EPHA6: variants seen among roughly 807,000 people sequenced by gnomAD.
EPHA6 encodes the protein ephrin type-A receptor 6.
In EPHA6, 50 loss-of-function variants were observed where a neutral mutation model predicts 112.0. The ratio of observed to expected loss-of-function variants is 0.45; its 90% confidence interval spans 0.36 to 0.56. EPHA6 has a LOEUF of 0.56. Ranked by LOEUF, EPHA6 falls within the 20% of genes least tolerant of loss-of-function variation. EPHA6 has a pLI of 0.00. For missense variants in EPHA6, 1,280 were observed against 1,417.4 expected (o/e 0.90, Z 1.56); for synonymous variants, 529 against 490.7 (o/e 1.08, Z -1.03).
At chr3:97,287,389 T>C (rs572463047) in intron 5 of EPHA6, among the ~76,000 whole-genome samples, 14 of 151,666 alleles carry the variant, frequency 9.2e-5, no homozygotes, top group African/African-American at 3.4e-4. Flanking sequence ...GGCGTGAACC[T>C]GGGAGGCGGA....
At chr3:97,465,079 T>C (rs2091010705) in intron 7 of EPHA6, among the ~76,000 whole-genome samples, 1 of 152,136 alleles carries the variant, frequency 6.6e-6, no homozygotes, top group Non-Finnish European at 1.5e-5. Flanking sequence ...GTGAAGATAC[T>C]AGTTAAAAAT....
At chr3:97,693,812 T>C (rs1042198535) in intron 14 of EPHA6, among the ~76,000 whole-genome samples, 5 of 151,672 alleles carry the variant, frequency 3.3e-5, no homozygotes, top group Non-Finnish European at 7.4e-5. Context: ...TGTCTCAAAA[T>C]AAAAAATAAA....
chr3:97,757,428 T>C lies in EPHA6; in HGVS notation c.*8727T>C, dbSNP rs565812144. On this transcript the variant is annotated 3_prime_UTR_variant, in exon 18 of 18. Coordinates refer to ENST00000389672, the MANE Select transcript of EPHA6 (RefSeq NM_001080448.3). Reference sequence around the variant, plus strand: ...GAACAAGTCATCAAAATTCTTAACATTTCCATATTATTAATCCTTTGTTTT... The same window carrying C: ...GAACAAGTCATCAAAATTCTTAACACTTCCATATTATTAATCCTTTGTTTT... Among the ~76,000 whole-genome samples the C allele has an allele frequency of 2.4e-4, 37 of 151,850 alleles. No homozygotes were observed. Among genetic ancestry groups the C allele is most frequent in the African/African-American group, 8.2e-4 (34 of 41,538 alleles).
intron 5 of EPHA6, among the ~76,000 whole-genome samples, chr3:97,313,993 T>A (rs1358973902): frequency 6.6e-6 from 1 of 151,712 alleles, no homozygotes. Context: ...TATGTTTTCT[T>A]CTAATACCAT....
At chr3:97,658,532 G>A (rs999871483) in intron 14 of EPHA6, among the ~76,000 whole-genome samples, 6 of 151,836 alleles carry the variant, frequency 4.0e-5, no homozygotes, top group Non-Finnish European at 7.4e-5. Flanking sequence ...TATTATTTCA[G>A]ATTATGCCAT....
chr3:97,625,500 T>G (rs937828825), intron 13 of EPHA6, among the ~76,000 whole-genome samples: 4 of 151,716 alleles, frequency 2.6e-5, no homozygotes, highest in Non-Finnish European at 5.9e-5. Context: ...GAAATTTTGT[T>G]CTATTTTTCT....
chr3:97,586,956 G>C (rs1458779134), intron 11 of EPHA6, among the ~76,000 whole-genome samples: 2 of 152,178 alleles, frequency 1.3e-5, no homozygotes, highest in Non-Finnish European at 2.9e-5. Context: ...CAAGTATAAA[G>C]AAAGGGCAGG....
intron 2 of EPHA6, among the ~76,000 whole-genome samples, chr3:96,937,427 A>G (rs1229304050): frequency 2.7e-5 from 4 of 149,502 alleles, no homozygotes; most frequent in African/African-American, 7.6e-5. Flanking sequence ...GTCTGTTCAT[A>G]TCCTTCGCCC....
intron 7 of EPHA6, among the ~76,000 whole-genome samples, chr3:97,451,250 C>A (rs1418738794): frequency 2.6e-5 from 4 of 151,796 alleles, no homozygotes; most frequent in Non-Finnish European, 5.9e-5. Flanking sequence ...CATGCAAGAC[C>A]CTATGCTGAG....
At chr3:96,915,657 A>G (rs1336220569) in intron 2 of EPHA6, among the ~76,000 whole-genome samples, 1 of 152,142 alleles carries the variant, frequency 6.6e-6, no homozygotes, top group African/African-American at 2.4e-5. Flanking sequence ...AATATGCGTC[A>G]TTCTAATACA....
intron 15 of EPHA6, among the ~76,000 whole-genome samples, chr3:97,731,267 T>C (rs2035022709): frequency 6.6e-6 from 1 of 152,042 alleles, no homozygotes; most frequent in Non-Finnish European, 1.5e-5. Flanking sequence ...GGCAGTACCC[T>C]TCCTAAAGGA....
chr3:97,321,022 T>C (rs1174549649), intron 5 of EPHA6, among the ~76,000 whole-genome samples: 1 of 151,962 alleles, frequency 6.6e-6, no homozygotes, highest in African/African-American at 2.4e-5. Flanking sequence ...TGCACAACTA[T>C]TGATTTTTTT....
chr3:96,898,292 G>T (rs2038392865), intron 2 of EPHA6, among the ~76,000 whole-genome samples: 1 of 152,142 alleles, frequency 6.6e-6, no homozygotes, highest in Admixed American at 6.5e-5. Context: ...TTTGCAGTGT[G>T]ACTTAAATAT....
chr3:96,952,902 A>G (rs1301169379), intron 2 of EPHA6, among the ~76,000 whole-genome samples: 1 of 152,150 alleles, frequency 6.6e-6, no homozygotes, highest in Non-Finnish European at 1.5e-5. Flanking sequence ...AGGAAAAACA[A>G]CTAAAGGGTA....
At chr3:96,965,735 G>A (rs777001364) in intron 2 of EPHA6, among the ~76,000 whole-genome samples, 92 of 151,770 alleles carry the variant, frequency 6.1e-4, no homozygotes, top group African/African-American at 6.8e-4. Context: ...TCCAGCCCTC[G>A]TTCAGCAACA....
chr3:97,528,059 G>T (rs2107637949), intron 10 of EPHA6, among the ~76,000 whole-genome samples: 1 of 152,196 alleles, frequency 6.6e-6, no homozygotes, highest in Non-Finnish European at 1.5e-5. Flanking sequence ...TGAGAATAAA[G>T]CTATAATTGG....
At chr3:97,739,046 A>G (rs6439358) in intron 16 of EPHA6, among the ~76,000 whole-genome samples, 149,308 of 152,096 alleles carry the variant, frequency 0.98, 73,308 homozygotes, top group East Asian at 0.99. Flanking sequence ...GTAGATTAAA[A>G]GATAGCAATA....
chr3:97,141,406 C>A (rs1230078017), intron 3 of EPHA6, among the ~76,000 whole-genome samples: 3 of 151,988 alleles, frequency 2.0e-5, no homozygotes, highest in Non-Finnish European at 4.4e-5. Context: ...ATGGAAGATT[C>A]TCCAAAATTG....
At chr3:97,254,251 C>T (rs958823909) in intron 5 of EPHA6, among the ~76,000 whole-genome samples, 12 of 152,036 alleles carry the variant, frequency 7.9e-5, no homozygotes, top group African/African-American at 2.2e-4. Flanking sequence ...TGCAGTGGCG[C>T]GATCTCGGCT....
Sources: allele counts gnomAD v4.1 joint callset (sites outside exome capture counted in the v4.1 genomes callset), GRCh38; gene constraint gnomAD v4.1.1; transcripts MANE v1.5; gene names NCBI Gene and HGNC (gene_info 2026-07-23, HGNC 2026-07-21).